RBFOX1: variants seen among roughly 807,000 people sequenced by gnomAD.
The protein encoded by RBFOX1 is RNA binding fox-1 homolog 1.
RBFOX1 carries 8 observed loss-of-function variants against 57.7 expected under a neutral mutation model. That is an observed-to-expected ratio of 0.14 (90% confidence interval 0.08 to 0.25). RBFOX1 has a LOEUF of 0.25. Ranked by LOEUF, RBFOX1 falls within the 10% of genes least tolerant of loss-of-function variation. The pLI is 1.00. For missense variants in RBFOX1, 611 were observed against 548.5 expected (o/e 1.11, Z -1.14); for synonymous variants, 326 against 222.4 (o/e 1.47, Z -4.15).
chr16:7,624,159 C>T (rs1380855757), intron 10 of RBFOX1, among the ~76,000 whole-genome samples: 3 of 152,122 alleles, frequency 2.0e-5, no homozygotes, highest in Non-Finnish European at 4.4e-5. Context: ...CATCAGACGC[C>T]TACTATGGAG....
At chr16:7,628,150 T>C (rs989927896) in intron 10 of RBFOX1, among the ~76,000 whole-genome samples, 3 of 152,162 alleles carry the variant, frequency 2.0e-5, no homozygotes, top group Non-Finnish European at 1.5e-5. Context: ...TCTGTGTATG[T>C]TTGTGTTACA....
At chr16:5,317,906 C>G (rs1242698923) in intron 1 of RBFOX1, among the ~76,000 whole-genome samples, 3 of 152,112 alleles carry the variant, frequency 2.0e-5, no homozygotes, top group African/African-American at 7.2e-5. Context: ...AACAGAAACT[C>G]TATATCCTAA....
intron 4 of RBFOX1, among the ~76,000 whole-genome samples, chr16:7,462,902 C>T (rs180979571): frequency 2.0e-5 from 3 of 152,214 alleles, no homozygotes; most frequent in African/African-American, 4.8e-5. Context: ...CCTTGAAAGG[C>T]TCATTCCATG....
chr16:6,604,024 G>C lies in RBFOX1; in HGVS notation c.-63-50579G>C, dbSNP rs531669246. Reference sequence around the variant, plus strand: ...CAGCTAACTGTGGTCCTTTCATGTAGCTGCCTTTGGTCTGCTGGGGACTTT... The same window carrying C: ...CAGCTAACTGTGGTCCTTTCATGTACCTGCCTTTGGTCTGCTGGGGACTTT... On this transcript the variant is annotated intron_variant, in intron 2 of 15. Transcript: ENST00000550418. 5.9e-4 allele frequency among the ~76,000 whole-genome samples: 90 copies of C among 152,152 alleles called. 1 individual carries two copies. Among genetic ancestry groups the C allele is most frequent in the Admixed American group, 5.8e-3 (89 of 15,280 alleles).
intron 2 of RBFOX1, among the ~76,000 whole-genome samples, chr16:6,595,368 A>T (rs529136397): frequency 3.3e-5 from 5 of 152,316 alleles, no homozygotes; most frequent in African/African-American, 1.2e-4. Context: ...AGGGCCATCA[A>T]TGTTGTACCA....
At chr16:6,894,905 A>T (rs1157010086) in intron 3 of RBFOX1, among the ~76,000 whole-genome samples, 1 of 152,140 alleles carries the variant, frequency 6.6e-6, no homozygotes, top group African/African-American at 2.4e-5. Flanking sequence ...TGGCTTTCTC[A>T]GCTAAAATTA....
chr16:7,064,775 A>C (rs1320943197), intron 4 of RBFOX1, among the ~76,000 whole-genome samples: 1 of 152,200 alleles, frequency 6.6e-6, no homozygotes, highest in Non-Finnish European at 1.5e-5. Context: ...ACTAACCAAC[A>C]AAAAGCCCCC....
chr16:5,916,959 C>T (rs1386126391), intron 4 of RBFOX1, among the ~76,000 whole-genome samples: 1 of 152,092 alleles, frequency 6.6e-6, no homozygotes, highest in African/African-American at 2.4e-5. Flanking sequence ...GTCTCCCCTG[C>T]CTTTGATGCG....
At chr16:6,722,458 C>G (rs1042776137) in intron 3 of RBFOX1, among the ~76,000 whole-genome samples, 2 of 152,170 alleles carry the variant, frequency 1.3e-5, no homozygotes, top group Admixed American at 6.5e-5. Flanking sequence ...TCCATCCACT[C>G]CTTTCTGATG....
At chr16:5,547,816 G>A (rs1280661142) in intron 2 of RBFOX1, among the ~76,000 whole-genome samples, 1 of 152,002 alleles carries the variant, frequency 6.6e-6, no homozygotes, top group Non-Finnish European at 1.5e-5. Flanking sequence ...AATACTACAT[G>A]TGCTCATTTA....
intron 3 of RBFOX1, among the ~76,000 whole-genome samples, chr16:6,800,525 C>T (rs77006837): frequency 1.3e-5 from 2 of 151,986 alleles, no homozygotes; most frequent in Admixed American, 6.6e-5. Context: ...ATTCAAAAGC[C>T]GCCCTTCCGT....
At chr16:7,143,698 T>G (rs549920827) in intron 4 of RBFOX1, among the ~76,000 whole-genome samples, 5 of 152,188 alleles carry the variant, frequency 3.3e-5, no homozygotes, top group African/African-American at 9.6e-5. Flanking sequence ...CATTAAAACT[T>G]CTCCAAAGTC....
chr16:7,173,761 C>A (rs1283719454), intron 4 of RBFOX1, among the ~76,000 whole-genome samples: 1 of 152,128 alleles, frequency 6.6e-6, no homozygotes, highest in African/African-American at 2.4e-5. Context: ...AGTTAAGTTC[C>A]ACTTGCAGCA....
intron 1 of RBFOX1, among the ~76,000 whole-genome samples, chr16:5,305,956 C>G (rs1032668830): frequency 6.6e-6 from 1 of 152,094 alleles, no homozygotes; most frequent in Non-Finnish European, 1.5e-5. Flanking sequence ...CTCAGGAGGC[C>G]GGAGGCAGCA....
At chr16:6,218,898 T>C (rs571022614) in intron 1 of RBFOX1, among the ~76,000 whole-genome samples, 3 of 152,218 alleles carry the variant, frequency 2.0e-5, no homozygotes, top group African/African-American at 7.2e-5. Context: ...AATTATAGTT[T>C]TTCTTCTTAA....
chr16:6,281,904 G>T (rs145078920), intron 1 of RBFOX1, among the ~76,000 whole-genome samples: 6 of 152,080 alleles, frequency 3.9e-5, no homozygotes, highest in Non-Finnish European at 5.9e-5. Flanking sequence ...CTACCCCACT[G>T]CCCGCCTGAG....
chr16:6,080,199 C>T (rs1260572792), intron 1 of RBFOX1, among the ~76,000 whole-genome samples: 1 of 152,088 alleles, frequency 6.6e-6, no homozygotes, highest in Non-Finnish European at 1.5e-5. Flanking sequence ...CCAATCTTCC[C>T]TTGGCGCTGA....
intron 1 of RBFOX1, among the ~76,000 whole-genome samples, chr16:5,397,042 G>A (rs1022646880): frequency 4.6e-5 from 7 of 152,144 alleles, no homozygotes; most frequent in Non-Finnish European, 7.4e-5. Context: ...CCCTACCAAA[G>A]GTCATAATAG....
chr16:7,309,926 T>C (rs1280212786), intron 4 of RBFOX1, among the ~76,000 whole-genome samples: 2 of 152,192 alleles, frequency 1.3e-5, no homozygotes, highest in Non-Finnish European at 2.9e-5. Flanking sequence ...CAATGTTCTG[T>C]TTAATTCAGT....
Sources: gnomAD v4.1 joint callset for allele counts (sites outside exome capture counted in the v4.1 genomes callset) on GRCh38, gnomAD v4.1.1 for gene constraint, MANE v1.5 for transcripts, NCBI Gene and HGNC (gene_info 2026-07-23, HGNC 2026-07-21) for gene names.